The following CNTN5 variants were observed in gnomAD, a reference collection of about 807,000 sequenced individuals.
The protein encoded by CNTN5 is contactin 5, also known as contactin-5.
A neutral mutation model predicts 129.1 loss-of-function variants in CNTN5; 77 were observed. The ratio of observed to expected loss-of-function variants is 0.60; its 90% confidence interval spans 0.50 to 0.72. CNTN5 has a LOEUF of 0.72. CNTN5 is among the 30% of genes least tolerant of loss of function. The probability of loss-of-function intolerance (pLI) is 0.00; values close to 1 mark genes in which losing one functional copy is unlikely to be tolerated. For synonymous variants in CNTN5, 509 were observed against 465.6 expected, an observed-to-expected ratio of 1.09 and a Z score of -1.20; for missense variants, 1,478 against 1,328.8, an observed-to-expected ratio of 1.11 and a Z score of -1.75.
chr11:99,313,426 T>A (rs1265373738), intron 1 of CNTN5, among the ~76,000 whole-genome samples: 1 of 152,114 alleles, frequency 6.6e-6, no homozygotes, highest in Non-Finnish European at 1.5e-5. Flanking sequence ...CACTAACTTA[T>A]TCTAGACTTA....
intron 9 of CNTN5, among the ~76,000 whole-genome samples, chr11:100,040,210 C>T (rs1942288348): frequency 6.6e-6 from 1 of 152,180 alleles, no homozygotes; most frequent in Admixed American, 6.5e-5. Flanking sequence ...AGCTGCAGGT[C>T]TGTTGGAGTT....
At chr11:99,068,869 A>C (rs1203644635) in intron 1 of CNTN5, among the ~76,000 whole-genome samples, 1 of 152,190 alleles carries the variant, frequency 6.6e-6, no homozygotes, top group African/African-American at 2.4e-5. Flanking sequence ...GTTTGAAAAT[A>C]ATTTTAAAAA....
chr11:100,308,664 A>G, intron 21 of CNTN5, 196 bp downstream of exon 21: 1 of 1,264,968 alleles, frequency 7.9e-7, no homozygotes, highest in Non-Finnish European at 1.0e-6. Flanking sequence ...TCAGTACAGT[A>G]GCTTCCGTAG....
intron 3 of CNTN5, among the ~76,000 whole-genome samples, chr11:99,770,372 AG>A (rs1183707707): frequency 6.6e-6 from 1 of 152,088 alleles, no homozygotes; most frequent in Admixed American, 6.6e-5. Flanking sequence ...CATTTTCATT[AG>A]CATATAATTT....
chr11:100,041,472 C>T (rs1020716145), intron 9 of CNTN5, among the ~76,000 whole-genome samples: 4 of 152,264 alleles, frequency 2.6e-5, no homozygotes, highest in Admixed American at 1.3e-4. Flanking sequence ...ATATACATGG[C>T]GTTATTTCAG....
chr11:99,922,068 G>C (rs1056034147), intron 7 of CNTN5, among the ~76,000 whole-genome samples: 1 of 152,044 alleles, frequency 6.6e-6, no homozygotes, highest in African/African-American at 2.4e-5. Flanking sequence ...ACCTGATACC[G>C]GGTAATTTAT....
chr11:99,623,657 G>A (rs56212343), intron 3 of CNTN5, among the ~76,000 whole-genome samples: 9,713 of 150,600 alleles, frequency 0.064, 349 homozygotes, highest in African/African-American at 0.092. Flanking sequence ...TGAGAAAAGG[G>A]AGGCATAGTT....
intron 13 of CNTN5, among the ~76,000 whole-genome samples, chr11:100,102,442 C>G (rs950369358): frequency 6.6e-6 from 1 of 151,886 alleles, no homozygotes; most frequent in South Asian, 2.1e-4. Flanking sequence ...TTTGTTTGAG[C>G]TCCACATTTT....
chr11:99,307,961 A>G (rs902529188), intron 1 of CNTN5, among the ~76,000 whole-genome samples: 3 of 152,204 alleles, frequency 2.0e-5, no homozygotes, highest in Non-Finnish European at 2.9e-5. Flanking sequence ...TATGTGATTC[A>G]TTGGCTTTCT....
chr11:99,676,407 GAAAT>G (rs1451034039), intron 3 of CNTN5, among the ~76,000 whole-genome samples: 17 of 152,238 alleles, frequency 1.1e-4, no homozygotes, highest in African/African-American at 4.1e-4. Flanking sequence ...AACTAACACA[GAAAT>G]AAATAGACTA....
intron 3 of CNTN5, among the ~76,000 whole-genome samples, chr11:99,747,438 A>G (rs1008791313): frequency 9.8e-5 from 14 of 143,330 alleles, no homozygotes; most frequent in African/African-American, 1.3e-4. Context: ...TTCCCATACT[A>G]TATTGAATAG....
rs71463577 is a variant in CNTN5 at position 99,452,372 on chromosome 11, G to GTT, written c.-70-103756_-70-103755dup. On this transcript the variant is annotated intron_variant, in intron 2 of 24. Coordinates refer to ENST00000524871, the MANE Select transcript of CNTN5 (RefSeq NM_014361.4). ...TTGAAGTTTATATCTAAACACAGGT[G>GTT]TTTTTTTTTTTTTTTTTTGGGACGG... 1.2e-4 allele frequency among the ~76,000 whole-genome samples: 13 copies of GTT among 104,356 alleles called. 1 individual carries two copies. Among genetic ancestry groups the GTT allele is most frequent in the African/African-American group, 2.5e-4 (7 of 27,946 alleles). The allele number at this position is 104,356 out of a possible 152,430, so 68.5% of individuals were successfully genotyped here.
chr11:99,521,994 A>C (rs1000953593), intron 2 of CNTN5, among the ~76,000 whole-genome samples: 1 of 152,140 alleles, frequency 6.6e-6, no homozygotes, highest in Non-Finnish European at 1.5e-5. Context: ...AGAGATTTAA[A>C]GCTTGGGTAA....
At chr11:99,556,356 A>C (rs1948664427) in intron 3 of CNTN5, 87 bp downstream of exon 3, 1 of 810,480 alleles carries the variant, frequency 1.2e-6, no homozygotes, top group Admixed American at 2.7e-5. Flanking sequence ...AAATATCCTC[A>C]GGTATTAATT....
At chr11:99,232,223 C>G (rs989144999) in intron 1 of CNTN5, among the ~76,000 whole-genome samples, 1 of 152,090 alleles carries the variant, frequency 6.6e-6, no homozygotes, top group Admixed American at 6.6e-5. Flanking sequence ...CGCACTGAAT[C>G]TATAAATTAT....
chr11:100,014,003 A>C (rs1313314035), intron 9 of CNTN5, among the ~76,000 whole-genome samples: 1 of 152,152 alleles, frequency 6.6e-6, no homozygotes, highest in Non-Finnish European at 1.5e-5. Context: ...AAGCTAAGAG[A>C]ACAACAAACT....
chr11:99,475,168 C>A lies in CNTN5; in HGVS notation c.-70-80977C>A, dbSNP rs111783472. 9.2e-3 allele frequency among the ~76,000 whole-genome samples: 1,403 copies of A among 151,944 alleles called. 17 individuals carry two copies. The highest frequency in any genetic ancestry group is 0.032 in the African/African-American group (1,307 of 41,342). Reference sequence around the variant, plus strand: ...GGGATTAGACCATGTAAGATCCACCCTCCCTCTTTACTGTGGGAGTGAATT... The same window carrying A: ...GGGATTAGACCATGTAAGATCCACCATCCCTCTTTACTGTGGGAGTGAATT... On this transcript the variant is annotated intron_variant, in intron 2 of 24. Coordinates refer to ENST00000524871, the MANE Select transcript of CNTN5 (RefSeq NM_014361.4).
At chr11:100,248,025 A>G (rs1279802637) in intron 16 of CNTN5, among the ~76,000 whole-genome samples, 2 of 152,122 alleles carry the variant, frequency 1.3e-5, no homozygotes, top group African/African-American at 4.8e-5. Context: ...CATTGCTTCC[A>G]TGATTGATTG....
intron 3 of CNTN5, among the ~76,000 whole-genome samples, chr11:99,722,912 C>A (rs369742099): frequency 3.9e-5 from 6 of 151,978 alleles, no homozygotes; most frequent in Admixed American, 1.3e-4. Flanking sequence ...ATCATCCTTG[C>A]ACTCTCATTT....
Sources: allele counts gnomAD v4.1 joint callset (sites outside exome capture counted in the v4.1 genomes callset), GRCh38; gene constraint gnomAD v4.1.1; transcripts MANE v1.5; gene names NCBI Gene and HGNC (gene_info 2026-07-23, HGNC 2026-07-21).